CHIC1: variants seen among roughly 807,000 people sequenced by gnomAD.
CHIC1 encodes cysteine-rich hydrophobic domain-containing protein 1.
In CHIC1, 7 loss-of-function variants were observed where a neutral mutation model predicts 18.5. The observed-to-expected ratio is 0.38, with a 90% CI of 0.22 to 0.71. The LOEUF is 0.71. Among genes scored for constraint, CHIC1 ranks in the 30% least tolerant of loss-of-function variants. The probability of loss-of-function intolerance (pLI) is 0.49; values close to 1 mark genes in which losing one functional copy is unlikely to be tolerated. For missense variants in CHIC1, 159 were observed against 176.9 expected (o/e 0.90, Z 0.57); for synonymous variants, 77 against 73.5 (o/e 1.05, Z -0.25).
chrX:73,650,205 AG>A (rs1287042851), intron 3 of CHIC1, among the ~76,000 whole-genome samples: 1 of 112,186 alleles, frequency 8.9e-6, no homozygotes, highest in Non-Finnish European at 1.9e-5. Flanking sequence ...GGAAATTTAT[AG>A]CACTAAATGC....
At chrX:73,615,688 AG>A in intron 3 of CHIC1, among the ~76,000 whole-genome samples, 1 of 111,402 alleles carries the variant, frequency 9.0e-6, no homozygotes, top group East Asian at 2.9e-4. Context: ...GAGCTGGTCC[AG>A]ATGGATGTGT....
At chrX:73,674,309 T>G (rs993569147) in intron 3 of CHIC1, among the ~76,000 whole-genome samples, 3 of 112,186 alleles carry the variant, frequency 2.7e-5, no homozygotes, top group Admixed American at 9.4e-5. Flanking sequence ...GAAGGAATGG[T>G]ACCAGCTCCT....
chrX:73,615,261 C>T (rs767259902), intron 3 of CHIC1, among the ~76,000 whole-genome samples: 4 of 111,237 alleles, frequency 3.6e-5, no homozygotes, highest in South Asian at 3.8e-4. Context: ...GTGACAGCAG[C>T]GGGTCCCCAG....
At chrX:73,666,569 A>G (rs1320642532) in intron 3 of CHIC1, among the ~76,000 whole-genome samples, 1 of 111,919 alleles carries the variant, frequency 8.9e-6, no homozygotes, top group East Asian at 2.8e-4. Flanking sequence ...TCAAATGTTA[A>G]CCTCTTTTGG....
chrX:73,600,410 C>A (rs1257118763), intron 3 of CHIC1, among the ~76,000 whole-genome samples: 1 of 101,197 alleles, frequency 9.9e-6, no homozygotes, highest in African/African-American at 3.9e-5. Flanking sequence ...CTGTCTTGTG[C>A]CAGTTTTCAA....
chrX:73,637,119 A>AT (rs1329235219), intron 3 of CHIC1, among the ~76,000 whole-genome samples: 1 of 110,261 alleles, frequency 9.1e-6, no homozygotes, highest in Admixed American at 9.7e-5. Flanking sequence ...TTTTTCCTTT[A>AT]TTTTTGAAGG....
chrX:73,583,298 C>T (rs2057536248), intron 2 of CHIC1, among the ~76,000 whole-genome samples: 1 of 110,971 alleles, frequency 9.0e-6, no homozygotes, highest in Admixed American at 9.6e-5. Flanking sequence ...ATTTTTATAA[C>T]ATTTGCTAAT....
intron 3 of CHIC1, among the ~76,000 whole-genome samples, chrX:73,609,447 A>G (rs939658520): frequency 9.2e-6 from 1 of 108,746 alleles, no homozygotes; most frequent in African/African-American, 3.6e-5. Context: ...TCTTGCCTAT[A>G]CTAGAGTGCA....
intron 1 of CHIC1, among the ~76,000 whole-genome samples, chrX:73,564,516 G>A (rs1195562506): frequency 9.0e-6 from 1 of 111,627 alleles, no homozygotes; most frequent in African/African-American, 3.3e-5. Flanking sequence ...AGGCAAAAAT[G>A]TTGATGATTC....
chrX:73,574,188 T>C (rs2057484962), intron 1 of CHIC1, among the ~76,000 whole-genome samples: 1 of 110,629 alleles, frequency 9.0e-6, no homozygotes, highest in Admixed American at 9.6e-5. Context: ...AGATGATCAT[T>C]TTTTGTTCGT....
intron 3 of CHIC1, among the ~76,000 whole-genome samples, chrX:73,663,268 C>T (rs1453404133): frequency 9.0e-6 from 1 of 111,098 alleles, no homozygotes; most frequent in Non-Finnish European, 1.9e-5. Context: ...ATGTGGCCGG[C>T]TTTTAATTGC....
At chrX:73,645,501 A>C (rs2057884870) in intron 3 of CHIC1, among the ~76,000 whole-genome samples, 1 of 112,232 alleles carries the variant, frequency 8.9e-6, no homozygotes, top group Non-Finnish European at 1.9e-5. Context: ...TTTCCATAAC[A>C]GCTGTATTAA....
In CHIC1 at chrX:73,584,592, T is replaced by TATA. The variant is rs751175213; in HGVS notation, c.507+34_507+36dup. The TATA allele has an allele frequency of 1.4e-5, 15 of 1,065,786 alleles. No homozygotes were observed. Among genetic ancestry groups the TATA allele is most frequent in the African/African-American group, 5.6e-5 (3 of 53,538 alleles). The allele number at this position is 1,065,786 out of a possible 1,213,427, so 87.8% of individuals were successfully genotyped here. On this transcript the variant is annotated intron_variant, in intron 3 of 5. Coordinates refer to ENST00000373502, the MANE Select transcript of CHIC1 (RefSeq NM_001039840.4). Reference sequence around the variant, plus strand: ...AAAAGAGTGAGTAACTGTTTTATTGTATAATAATAATAATAACTAACATTT... The same window carrying TATA: ...AAAAGAGTGAGTAACTGTTTTATTGTATAATAATAATAATAATAACTAACATTT...
At chrX:73,597,795 G>C (rs989539886) in intron 3 of CHIC1, among the ~76,000 whole-genome samples, 2 of 108,955 alleles carry the variant, frequency 1.8e-5, no homozygotes, top group African/African-American at 6.7e-5. Context: ...GACAGACCCT[G>C]GTGTGTGATG....
chrX:73,643,475 T>A (rs1427389781), intron 3 of CHIC1, among the ~76,000 whole-genome samples: 1 of 111,883 alleles, frequency 8.9e-6, no homozygotes, highest in East Asian at 2.8e-4. Flanking sequence ...TCCAACTTGG[T>A]TCCATTCTCC....
Position 73,563,410 on chromosome X carries a change from C to G in CHIC1, c.126C>G (p.Asp42Glu), listed in dbSNP as rs1438647779. 12 of 1,155,853 alleles carry G rather than the reference C, an allele frequency of 1.0e-5. No individual in the cohort carries two copies. Among genetic ancestry groups the G allele is most frequent in the Non-Finnish European group, 1.3e-5 (11 of 866,972 alleles). ...CGTCGTCGTCGGTATCTGGGCCCGA[C>G]GATGACGAGGAGGATGAGGAGGAAG... ...PSSSSSVSGPDDDEEDEEEEE... is the reference protein window; with the variant it reads ...PSSSSSVSGPEDDEEDEEEEE... Residue 42 changes from aspartate to glutamate, a missense_variant, in exon 1 of 6, where the codon GAC (aspartate) becomes GAG (glutamate). By Grantham distance (45) the Asp-to-Glu change is conservative. Transcript: ENST00000373502.
intron 3 of CHIC1, among the ~76,000 whole-genome samples, chrX:73,607,087 C>T (rs1204397539): frequency 2.8e-5 from 3 of 108,782 alleles, no homozygotes; most frequent in African/African-American, 7.1e-5. Context: ...CCACAGCCGC[C>T]CGTTCCCCCA....
intron 1 of CHIC1, among the ~76,000 whole-genome samples, chrX:73,566,944 C>T (rs1448067079): frequency 2.7e-5 from 3 of 111,838 alleles, no homozygotes; most frequent in South Asian, 3.7e-4. Flanking sequence ...GAAAGTTATA[C>T]GTCTCAATTA....
chrX:73,621,054 C>CTATA (rs1050061731), intron 3 of CHIC1, among the ~76,000 whole-genome samples: 1 of 111,695 alleles, frequency 9.0e-6, no homozygotes, highest in African/African-American at 3.3e-5. Context: ...TTCCATTGGA[C>CTATA]TATATATCTG....
Sources: allele counts gnomAD v4.1 joint callset (sites outside exome capture counted in the v4.1 genomes callset), GRCh38; gene constraint gnomAD v4.1.1; transcripts MANE v1.5; gene names NCBI Gene and HGNC (gene_info 2026-07-23, HGNC 2026-07-21).